The following ATAD3B variants were observed in gnomAD, a reference collection of about 807,000 sequenced individuals.
ATAD3B encodes the protein ATPase family AAA domain-containing protein 3B.
ATAD3B carries 59 observed loss-of-function variants against 70.2 expected under a neutral mutation model. The observed-to-expected ratio is 0.84, with a 90% CI of 0.68 to 1.04. The LOEUF (loss-of-function observed/expected upper bound fraction) is 1.04, where lower values mean the gene tolerates loss of function less well. ATAD3B is among the 50% of genes least tolerant of loss of function. ATAD3B has a pLI of 0.00. For missense variants in ATAD3B, 961 were observed against 913.4 expected (o/e 1.05, Z -0.67); for synonymous variants, 423 against 388.6 (o/e 1.09, Z -1.04).
the ATAD3B span, chr1:1,503,598 C>T: frequency 6.1e-5 from 99 of 1,612,026 alleles, 1 homozygote; most frequent in Middle Eastern, 1.8e-4. Flanking sequence ...CATCAAAGGA[C>T]GCCCTGAATG....
At chr1:1,474,863 C>T (rs1490707842) in intron 1 of ATAD3B, among the ~76,000 whole-genome samples, 2 of 151,304 alleles carry the variant, frequency 1.3e-5, no homozygotes, top group African/African-American at 2.5e-5. Flanking sequence ...CAGGGCACCT[C>T]GGAGGACAGC....
At position 1,485,718 on chromosome 1, in the gene ATAD3B, C is replaced by G. The variant is rs1456307027; in HGVS notation, c.907-64C>G. The G allele has an allele frequency of 1.9e-6, 3 of 1,603,404 alleles. No homozygotes were observed. In the African/African-American group the frequency reaches 4.0e-5, roughly 21 times the overall value. On this transcript the variant is annotated intron_variant, in intron 8 of 15. Transcript: ENST00000673477. The stretch of plus-strand genomic sequence containing the variant: ...CTGTGTGTTACCGAGCATGTGTGTG[C>G]GTTGGTGGCTGTTCCGTGGCTGTGG...
rs745721826 is a variant in ATAD3B at position 1,480,020 on chromosome 1, A to G, written c.445-847A>G. Among the ~76,000 whole-genome samples, 26 of 137,996 alleles carry G rather than the reference A, an allele frequency of 1.9e-4. 3 individuals carry two copies. Among genetic ancestry groups the G allele is most frequent in the Non-Finnish European group, 2.6e-4 (17 of 64,376 alleles). The allele number at this position is 137,996 out of a possible 152,430, so 90.5% of individuals were successfully genotyped here. ...CACACCCCCTCACACATAGGCACAC[A>G]TACACAACCCAGGCACACACCCCCT... is the stretch of plus-strand genomic sequence containing the variant. On this transcript the variant is annotated intron_variant, in intron 4 of 15. Transcript: ENST00000673477.
At chr1:1,494,109 T>C (rs1570279335) in intron 15 of ATAD3B, among the ~76,000 whole-genome samples, 1 of 152,086 alleles carries the variant, frequency 6.6e-6, no homozygotes, top group East Asian at 1.9e-4. Context: ...CACAGAGAGC[T>C]CCCGGGCCCG....
At chr1:1,475,351 T>G (rs1177374356) in intron 1 of ATAD3B, among the ~76,000 whole-genome samples, 1 of 151,574 alleles carries the variant, frequency 6.6e-6, no homozygotes, top group Non-Finnish European at 1.5e-5. Context: ...GACTGCCCCC[T>G]TTCCCCGGGT....
chr1:1,471,805 C>T lies in ATAD3B; in HGVS notation c.-80C>T, dbSNP rs1391647936. On this transcript the variant is annotated 5_prime_UTR_variant, in exon 1 of 16. Transcript: ENST00000673477. ...TGGTCCTGGCCACCGGCTCGCGGCG[C>T]GTGGAGGCTGCTCCCAGCCGCGCCC... 8.2e-6 allele frequency: 10 copies of T among 1,225,584 alleles called. No homozygotes were observed. The highest frequency in any genetic ancestry group is 3.4e-5 in the East Asian group (1 of 29,688). 75.9% of individuals were successfully genotyped at this position (1,225,584 alleles called of 1,614,324 possible). A position where few individuals can be genotyped will look rare whatever the true frequency, so the allele number is the denominator to read the frequency against.
At chr1:1,483,135 A>G (rs553906484) in intron 7 of ATAD3B, 8 of 406,252 alleles carry the variant, frequency 2.0e-5, no homozygotes, top group Admixed American at 9.1e-5. Context: ...ACTAAAAAAA[A>G]GAAAAAAAAA....
intron 2 of ATAD3B, among the ~76,000 whole-genome samples, chr1:1,477,579 G>C (rs370416964): frequency 6.6e-6 from 1 of 151,796 alleles, no homozygotes; most frequent in African/African-American, 2.4e-5. Flanking sequence ...GCGTCTGGTC[G>C]TCCTGAGGGA....
intron 1 of ATAD3B, among the ~76,000 whole-genome samples, chr1:1,475,459 C>T (rs1039386540): frequency 6.6e-6 from 1 of 151,438 alleles, no homozygotes; most frequent in South Asian, 2.1e-4. Context: ...GCAGCGGGGT[C>T]GCCGAGATTC....
chr1:1,474,300 C>T (rs1187732503), intron 1 of ATAD3B, among the ~76,000 whole-genome samples: 2 of 151,044 alleles, frequency 1.3e-5, no homozygotes, highest in African/African-American at 2.4e-5. Flanking sequence ...ACGCCATTCT[C>T]CTGCCTCAGC....
At chr1:1,483,393 G>A (rs531319722) in intron 7 of ATAD3B, 2 of 260,114 alleles carry the variant, frequency 7.7e-6, no homozygotes, top group South Asian at 6.9e-5. Context: ...GTTGAACCCA[G>A]GAGGCGGAAG....
chr1:1,495,664 G>T lies in ATAD3B; in HGVS notation c.1794G>T (p.Leu598=), dbSNP rs1328303373. The change falls in exon 16 of 16, where the codon CTG becomes CTT. Residue 598 remains leucine, a synonymous_variant. Transcript: ENST00000673477. The stretch of plus-strand genomic sequence containing the variant: ...GCGAGACCCTCACCTCATGGAGCCT[G>T]GCCACGGACCCCTCCTACCCCTGCC... ...VQGETLTSWS[L]ATDPSYPCLA... 6.2e-6 allele frequency: 10 copies of T among 1,612,838 alleles called. No homozygotes were observed. Among genetic ancestry groups the T allele is most frequent in the African/African-American group, 1.3e-5 (1 of 74,896 alleles).
chr1:1,477,144 G>A (rs1639633598), intron 1 of ATAD3B, 130 bp from the exon 2 acceptor site: 1 of 1,251,326 alleles, frequency 8.0e-7, no homozygotes, highest in African/African-American at 1.5e-5. Context: ...GAGTTGCTGG[G>A]ATTACAGGCG....
chr1:1,509,217 G>A, the ATAD3B span: 2 of 1,612,766 alleles, frequency 1.2e-6, no homozygotes, highest in Non-Finnish European at 8.5e-7. Context: ...CACGGCGTAT[G>A]CCTCCGAGGA....
rs1335359742 is a variant in ATAD3B at position 1,489,192 on chromosome 1, T to C, written c.1267-12T>C. ...GCTTCTGGTGCCTAAGGCTGGAACC[T>C]TCTCTCTGCAGGAGGAGATAAGCAA... On this transcript the variant is annotated splice_polypyrimidine_tract_variant and intron_variant, in intron 12 of 15. Coordinates refer to ENST00000673477, the MANE Select transcript of ATAD3B (RefSeq NM_031921.6). The C allele has an allele frequency of 1.2e-6, 2 of 1,613,408 alleles. No individual in the cohort carries two copies. The highest frequency in any genetic ancestry group is 2.2e-5 in the South Asian group (2 of 91,010).
intron 1 of ATAD3B, among the ~76,000 whole-genome samples, chr1:1,474,610 C>G (rs1639500828): frequency 6.6e-6 from 1 of 152,046 alleles, no homozygotes; most frequent in Non-Finnish European, 1.5e-5. Context: ...AGCGATTCTC[C>G]TGCCTCAGCC....
chr1:1,493,177 A>T (rs576152316), intron 15 of ATAD3B, among the ~76,000 whole-genome samples: 1 of 151,944 alleles, frequency 6.6e-6, no homozygotes, highest in Non-Finnish European at 1.5e-5. Flanking sequence ...TTTTCTACAC[A>T]TAAGATTATG....
chr1:1,498,129 C>T (rs1485053936), downstream of ATAD3B, among the ~76,000 whole-genome samples: 2 of 151,684 alleles, frequency 1.3e-5, no homozygotes, highest in African/African-American at 4.9e-5. Flanking sequence ...GTGGTGAAAC[C>T]CCCATCTCTA....
intron 1 of ATAD3B, 129 bp downstream of exon 1, chr1:1,472,218 A>G: frequency 7.1e-7 from 1 of 1,401,202 alleles, no homozygotes; most frequent in Non-Finnish European, 9.4e-7. Flanking sequence ...CCCCCGGAGC[A>G]CCCCCGGCCG....
Sources: allele counts gnomAD v4.1 joint callset (sites outside exome capture counted in the v4.1 genomes callset), GRCh38; gene constraint gnomAD v4.1.1; transcripts MANE v1.5; gene names NCBI Gene and HGNC (gene_info 2026-07-23, HGNC 2026-07-21).